HSD17B4: variants seen among roughly 807,000 people sequenced by gnomAD.
The protein encoded by HSD17B4 is hydroxysteroid 17-beta dehydrogenase 4.
HSD17B4 carries 70 observed loss-of-function variants against 101.0 expected under a neutral mutation model. The observed-to-expected ratio is 0.69, with a 90% confidence interval of 0.57 to 0.85. HSD17B4 has a LOEUF of 0.85. Among genes scored for constraint, HSD17B4 ranks in the 40% least tolerant of loss-of-function variants. HSD17B4 has a pLI of 0.00. For missense variants in HSD17B4, 984 were observed against 892.4 expected (o/e 1.10, Z -1.31); for synonymous variants, 347 against 297.1 (o/e 1.17, Z -1.73).
At position 119,482,736 on chromosome 5, in the gene HSD17B4, G is replaced by A. The variant is rs1388744953; in HGVS notation, c.622+3715G>A. ...AGAAACTCTTTGTTAAGTAGAGTTTGTATCTTGCAGCTCTCACTTGTAATT... is the reference window on the plus strand; with the variant it reads ...AGAAACTCTTTGTTAAGTAGAGTTTATATCTTGCAGCTCTCACTTGTAATT... On this transcript the variant is annotated intron_variant, in intron 8 of 23. Coordinates refer to ENST00000510025, the MANE Select transcript of HSD17B4 (RefSeq NM_000414.4). Among the ~76,000 whole-genome samples the A allele has an allele frequency of 9.2e-5, 14 of 151,972 alleles. No homozygotes were observed. The East Asian group carries it at 2.3e-3, about 25-fold the overall frequency.
intron 19 of HSD17B4, 107 bp from the exon 20 acceptor site, chr5:119,527,026 A>ATT: frequency 3.1e-6 from 2 of 654,508 alleles, no homozygotes; most frequent in East Asian, 2.9e-5. Flanking sequence ...TTAAACCTTG[A>ATT]TTTTTTTTTT....
At chr5:119,530,443 A>G (rs1330379208) in intron 21 of HSD17B4, among the ~76,000 whole-genome samples, 2 of 152,112 alleles carry the variant, frequency 1.3e-5, no homozygotes, top group African/African-American at 2.4e-5. Context: ...TTTATATTCT[A>G]TCTCTGAAAT....
intron 9 of HSD17B4, 83 bp downstream of exon 9, chr5:119,489,366 G>A: frequency 1.1e-6 from 1 of 869,574 alleles, no homozygotes. Context: ...GACATCACTT[G>A]TATATTTTTA....
chr5:119,513,253 C>G (rs1395780179), intron 16 of HSD17B4, among the ~76,000 whole-genome samples: 1 of 152,216 alleles, frequency 6.6e-6, no homozygotes, highest in Admixed American at 6.5e-5. Context: ...GTTATATTCA[C>G]TCTTAAAACA....
chr5:119,529,382 TA>T (rs559425584), intron 20 of HSD17B4, among the ~76,000 whole-genome samples: 25 of 152,316 alleles, frequency 1.6e-4, no homozygotes, highest in Admixed American at 1.6e-3. Context: ...AATTACTACT[TA>T]AAAAACACTA....
intron 13 of HSD17B4, among the ~76,000 whole-genome samples, chr5:119,501,795 G>C (rs1228521707): frequency 6.6e-6 from 1 of 152,096 alleles, no homozygotes; most frequent in East Asian, 1.9e-4. Context: ...AGTCAACAAG[G>C]CTTTATGAAC....
At chr5:119,459,138 A>G (rs2126623573) in intron 2 of HSD17B4, among the ~76,000 whole-genome samples, 1 of 152,328 alleles carries the variant, frequency 6.6e-6, no homozygotes, top group South Asian at 2.1e-4. Context: ...TGCTAGAGCC[A>G]TTGTTTTTAA....
intron 2 of HSD17B4, chr5:119,471,848 T>G: frequency 1.9e-6 from 1 of 536,620 alleles, no homozygotes; most frequent in Non-Finnish European, 3.2e-6. Flanking sequence ...TATGTTGGCT[T>G]GGATATACAC....
At chr5:119,505,660 G>A (rs1242307187) in intron 14 of HSD17B4, among the ~76,000 whole-genome samples, 3 of 151,618 alleles carry the variant, frequency 2.0e-5, no homozygotes, top group African/African-American at 7.3e-5. Context: ...AGTCTTTAGT[G>A]TTCTCTAGGT....
At chr5:119,509,069 A>G in intron 15 of HSD17B4, 72 bp from the exon 16 acceptor site, 1 of 840,356 alleles carries the variant, frequency 1.2e-6, no homozygotes, top group Non-Finnish European at 2.0e-6. Flanking sequence ...GGAATTGTTG[A>G]ACCTATCTTG....
chr5:119,486,774 ACTTCAAAGTAAAATTGT>A (rs1031435133), intron 8 of HSD17B4, among the ~76,000 whole-genome samples: 10 of 152,158 alleles, frequency 6.6e-5, no homozygotes, highest in African/African-American at 2.4e-4. Flanking sequence ...TAGGATATGT[ACTTCAAAGTAAAATTGT>A]TGAGTCAGGA....
At chr5:119,506,978 A>G (rs987739856) in intron 15 of HSD17B4, 89 bp downstream of exon 15, 4 of 680,844 alleles carry the variant, frequency 5.9e-6, no homozygotes, top group Non-Finnish European at 1.0e-5. Context: ...TTGATTAATA[A>G]GTTAGTATTT....
chr5:119,455,835 GC>G lies in HSD17B4; in HGVS notation c.59-477del, dbSNP rs1031454324. On this transcript the variant is annotated intron_variant, in intron 1 of 23. Transcript: ENST00000510025. Reference sequence around the variant, plus strand: ...AGGCTGTCATTGGAGCTGTGCCACAGCCCAAGTAGCACTGGCACTAGGGACC... The same window carrying G: ...AGGCTGTCATTGGAGCTGTGCCACAGCCAAGTAGCACTGGCACTAGGGACC... Among the ~76,000 whole-genome samples, 145 of 152,260 alleles carry G rather than the reference GC, an allele frequency of 9.5e-4. 1 individual carries two copies. Among genetic ancestry groups the G allele is most frequent in the African/African-American group, 3.2e-3 (135 of 41,544 alleles).
intron 9 of HSD17B4, among the ~76,000 whole-genome samples, chr5:119,491,375 A>G (rs1396660403): frequency 6.6e-6 from 1 of 151,886 alleles, no homozygotes; most frequent in Admixed American, 6.6e-5. Context: ...TCATATGCAT[A>G]TGAAATTTTT....
chr5:119,466,167 T>C (rs901267336), intron 2 of HSD17B4, among the ~76,000 whole-genome samples: 1 of 152,238 alleles, frequency 6.6e-6, no homozygotes, highest in African/African-American at 2.4e-5. Context: ...TCTCACTTGA[T>C]TGTGATATAT....
chr5:119,452,892 TG>T, intron 1 of HSD17B4: 1 of 1,521,436 alleles, frequency 6.6e-7, no homozygotes, highest in South Asian at 1.2e-5. Flanking sequence ...GAGGCCAGGC[TG>T]GGCTGCTGAT....
At chr5:119,506,999 T>A (rs1751711309) in intron 15 of HSD17B4, 110 bp downstream of exon 15, 1 of 609,198 alleles carries the variant, frequency 1.6e-6, no homozygotes, top group Non-Finnish European at 2.9e-6. Context: ...GTCTTCCAAT[T>A]TGTTAGAAAA....
chr5:119,537,015 T>G (rs916804615), intron 23 of HSD17B4, among the ~76,000 whole-genome samples: 1 of 152,166 alleles, frequency 6.6e-6, no homozygotes, highest in African/African-American at 2.4e-5. Flanking sequence ...TATGAAACTT[T>G]TGACCAATCC....
intron 8 of HSD17B4, among the ~76,000 whole-genome samples, chr5:119,482,544 T>C (rs1300481095): frequency 6.6e-6 from 1 of 152,196 alleles, no homozygotes; most frequent in Non-Finnish European, 1.5e-5. Flanking sequence ...AATAATACTA[T>C]TGAGTAATAA....
Sources: gnomAD v4.1 joint callset for allele counts (sites outside exome capture counted in the v4.1 genomes callset) on GRCh38, gnomAD v4.1.1 for gene constraint, MANE v1.5 for transcripts, NCBI Gene and HGNC (gene_info 2026-07-23, HGNC 2026-07-21) for gene names.